ANKFY1: variants seen among roughly 807,000 people sequenced by gnomAD.
The protein encoded by ANKFY1 is ankyrin repeat and FYVE domain containing 1, also known as ankyrin repeat and FYVE domain-containing protein 1.
ANKFY1 carries 47 observed loss-of-function variants against 128.3 expected under a neutral mutation model. That is an observed-to-expected ratio of 0.37 (90% CI 0.29 to 0.47). The LOEUF (loss-of-function observed/expected upper bound fraction) is 0.47, where lower values mean the gene tolerates loss of function less well. ANKFY1 is among the 20% of genes least tolerant of loss of function. ANKFY1 has a pLI of 1.00. For missense variants in ANKFY1, 1,222 were observed against 1,510.6 expected (o/e 0.81, Z 3.17); for synonymous variants, 553 against 601.6 (o/e 0.92, Z 1.18).
At chr17:4,207,880 A>C in intron 6 of ANKFY1, 53 bp downstream of exon 6, 2 of 1,508,538 alleles carry the variant, frequency 1.3e-6, no homozygotes, top group Non-Finnish European at 1.8e-6. Context: ...ACGGAGAAAG[A>C]CAAGTGCATT....
intron 20 of ANKFY1, 107 bp from the exon 21 acceptor site, chr17:4,173,551 A>G (rs1245602588): frequency 3.9e-6 from 4 of 1,033,362 alleles, no homozygotes; most frequent in Admixed American, 1.9e-5. Context: ...CGGCCACAGC[A>G]GCGACTGGCC....
chr17:4,256,414 C>T (rs752333936), intron 1 of ANKFY1, among the ~76,000 whole-genome samples: 5 of 151,986 alleles, frequency 3.3e-5, no homozygotes, highest in African/African-American at 7.2e-5. Flanking sequence ...GGCAATAGAG[C>T]GAGACTCCAT....
chr17:4,248,331 A>G (rs1001626316), intron 1 of ANKFY1, among the ~76,000 whole-genome samples: 102 of 152,324 alleles, frequency 6.7e-4, no homozygotes, highest in African/African-American at 2.3e-3. Context: ...TGAACCGCGC[A>G]TGCGAGGGAT....
Position 4,173,460 on chromosome 17 carries a change from T to C in ANKFY1, c.2924-16A>G, listed in dbSNP as rs1294127563. 2 of 1,612,118 alleles carry C rather than the reference T, an allele frequency of 1.2e-6. No homozygotes were observed. Among genetic ancestry groups the C allele is most frequent in the African/African-American group, 1.3e-5 (1 of 74,878 alleles). ...AGATGAAGAGCTGGGAAGTAAATCC[T>C]CTTACTATGCAAGCCCAGAAGCACA... On this transcript the variant is annotated splice_polypyrimidine_tract_variant and intron_variant, in intron 20 of 24. Coordinates refer to ENST00000341657, the MANE Select transcript of ANKFY1 (RefSeq NM_001330063.2).
intron 2 of ANKFY1, among the ~76,000 whole-genome samples, chr17:4,238,562 C>T (rs963122211): frequency 3.3e-5 from 5 of 152,112 alleles, no homozygotes; most frequent in Non-Finnish European, 2.9e-5. Flanking sequence ...CAACCTCCAC[C>T]TCCCAGGTTC....
At chr17:4,217,254 A>C in intron 3 of ANKFY1, 136 bp from the exon 4 acceptor site, 4 of 1,014,800 alleles carry the variant, frequency 3.9e-6, no homozygotes, top group South Asian at 1.7e-5. Flanking sequence ...ACAGTCATTA[A>C]AAATGGGGAC....
rs112939125 is a variant in ANKFY1 at position 4,256,256 on chromosome 17, G to A, written c.10+7676C>T. ...ATCCTGGCTAACAGAGTGAAACCCC[G>A]TCTCTATTAAAAATACAAAAAATTA... is the stretch of plus-strand genomic sequence containing the variant. On this transcript the variant is annotated intron_variant, in intron 1 of 24. Transcript: ENST00000341657. Among the ~76,000 whole-genome samples, 1,345 of 152,020 alleles carry A rather than the reference G, an allele frequency of 8.8e-3. 16 individuals carry two copies. The highest frequency in any genetic ancestry group is 0.031 in the African/African-American group (1,293 of 41,492).
Position 4,189,417 on chromosome 17 carries a change from T to C in ANKFY1, c.1435A>G (p.Thr479Ala). Residue 479 changes from threonine (T) to alanine (A), a missense_variant, in exon 11 of 25, where the codon ACC becomes GCC. Transcript: ENST00000341657. ...GNEAAALFLA[T>A]NGAHVNHRNK... Reference sequence around the variant, plus strand: ...CTGTGGTTGACATGGGCACCGTTGGTTGCCAGGAAAAGAGCTGCTGCCTCG... The same window carrying C: ...CTGTGGTTGACATGGGCACCGTTGGCTGCCAGGAAAAGAGCTGCTGCCTCG... 4.4e-6 allele frequency: 7 copies of C among 1,592,812 alleles called. No individual in the cohort carries two copies. Among genetic ancestry groups the C allele is most frequent in the African/African-American group, 1.3e-5 (1 of 74,700 alleles).
rs2059182354 is a variant in ANKFY1, at chr17:4,164,759, T to C, written c.*3020A>G. ...GGTTCAATATGGCAGGTGTGGGACA[T>C]GAGCGGGGAGGAGTGGAGAAACCAC... On this transcript the variant is annotated 3_prime_UTR_variant, in exon 25 of 25. Transcript: ENST00000341657. The C allele has an allele frequency of 6.6e-6, 1 of 152,080 alleles. No individual in the cohort carries two copies. Among genetic ancestry groups the C allele is most frequent in the African/African-American group, 2.4e-5 (1 of 41,360 alleles). 9.4% of individuals were successfully genotyped at this position (152,080 alleles called of 1,614,324 possible). A position where few individuals can be genotyped will look rare whatever the true frequency, so the allele number is the denominator to read the frequency against.
chr17:4,195,641 T>A (rs973178306), intron 8 of ANKFY1, among the ~76,000 whole-genome samples, 170 bp from the exon 9 acceptor site: 1 of 152,150 alleles, frequency 6.6e-6, no homozygotes, highest in Admixed American at 6.6e-5. Flanking sequence ...CGGATCTGCT[T>A]ATATGTGACC....
chr17:4,186,953 C>T, intron 11 of ANKFY1: 1 of 1,185,522 alleles, frequency 8.4e-7, no homozygotes, highest in Non-Finnish European at 1.0e-6. Flanking sequence ...CAGGCTCCTC[C>T]TCCTGGCCAG....
intron 11 of ANKFY1, among the ~76,000 whole-genome samples, chr17:4,185,416 G>C (rs1191306456): frequency 6.6e-6 from 1 of 152,048 alleles, no homozygotes; most frequent in Non-Finnish European, 1.5e-5. Context: ...TGTTAGCCAG[G>C]CTGGTCTCAA....
intron 1 of ANKFY1, among the ~76,000 whole-genome samples, chr17:4,252,682 C>T (rs1052670746): frequency 2.0e-5 from 3 of 152,218 alleles, no homozygotes; most frequent in African/African-American, 7.2e-5. Context: ...TAAACATATA[C>T]TTGCCTTATG....
chr17:4,173,508 C>A, intron 20 of ANKFY1, 64 bp from the exon 21 acceptor site: 2 of 1,453,484 alleles, frequency 1.4e-6, no homozygotes, highest in Non-Finnish European at 1.9e-6. Context: ...TCCACTCCTC[C>A]TCACCCTCAC....
At chr17:4,207,668 TA>T (rs2060050000) in intron 6 of ANKFY1, among the ~76,000 whole-genome samples, 1 of 149,784 alleles carries the variant, frequency 6.7e-6, no homozygotes, top group Non-Finnish European at 1.5e-5. Flanking sequence ...TTTTGGCACC[TA>T]AAAGTTAAGA....
intron 24 of ANKFY1, 148 bp from the exon 25 acceptor site, chr17:4,168,059 C>A (rs2059243184): frequency 5.3e-6 from 4 of 747,770 alleles, no homozygotes; most frequent in Non-Finnish European, 8.1e-6. Context: ...CCGGTTACCA[C>A]AATTCATGTA....
chr17:4,182,780 A>G (rs2059538415), intron 14 of ANKFY1, among the ~76,000 whole-genome samples: 1 of 152,186 alleles, frequency 6.6e-6, no homozygotes, highest in African/African-American at 2.4e-5. Flanking sequence ...TTGTTGGAAC[A>G]TTCTTCATTG....
intron 7 of ANKFY1, among the ~76,000 whole-genome samples, chr17:4,203,861 A>G (rs976043829): frequency 6.6e-6 from 1 of 151,458 alleles, no homozygotes; most frequent in African/African-American, 2.4e-5. Flanking sequence ...AAGAAAGAAA[A>G]AAGAAACCCA....
At position 4,168,803 on chromosome 17, in the gene ANKFY1, C is replaced by T. The variant is rs1446231276; in HGVS notation, c.3377+395G>A. 3.6e-5 allele frequency: 6 copies of T among 166,472 alleles called. No homozygotes were observed. In the South Asian group the frequency reaches 5.3e-4, roughly 15 times the overall value. The allele number at this position is 166,472 out of a possible 1,614,324, so 10.3% of individuals were successfully genotyped here. On this transcript the variant is annotated intron_variant, in intron 24 of 24. Coordinates refer to ENST00000341657, the MANE Select transcript of ANKFY1 (RefSeq NM_001330063.2). ...TGCTGGGATTACAGGCATGAGCCAC[C>T]GCACCCGACCTATCTATCTCATTTT... is the stretch of plus-strand genomic sequence containing the variant.
Sources: gnomAD v4.1 joint callset for allele counts (sites outside exome capture counted in the v4.1 genomes callset) on GRCh38, gnomAD v4.1.1 for gene constraint, MANE v1.5 for transcripts, NCBI Gene and HGNC (gene_info 2026-07-23, HGNC 2026-07-21) for gene names.